Variants in UBN1 observed in about 807,000 individuals in gnomAD.
UBN1 encodes ubinuclein-1.
In UBN1, 17 loss-of-function variants were observed where a neutral mutation model predicts 108.5. The ratio of observed to expected loss-of-function variants is 0.16; its 90% CI spans 0.11 to 0.24. The LOEUF is 0.24. Ranked by LOEUF, UBN1 falls within the 10% of genes least tolerant of loss-of-function variation. The pLI, the probability that UBN1 is intolerant of heterozygous loss-of-function variation, is 1.00. For synonymous variants in UBN1, 726 were observed against 564.2 expected (o/e 1.29, Z -4.07); for missense variants, 1,595 against 1,394.4 (o/e 1.14, Z -2.29).
At position 4,859,227 on chromosome 16, in the gene UBN1, A is replaced by C. The variant is rs2086942793; in HGVS notation, c.567+68A>C. 6 of 1,570,416 alleles carry C rather than the reference A, an allele frequency of 3.8e-6. No homozygotes were observed. The Admixed American group carries it at 1.1e-4, about 29-fold the overall frequency. ...CGTGACCCTATCAGATCAGTAGGTGACTTGCCAGAATACGTGGCGCTTGGC... is the reference window on the plus strand; with the variant it reads ...CGTGACCCTATCAGATCAGTAGGTGCCTTGCCAGAATACGTGGCGCTTGGC... On this transcript the variant is annotated intron_variant, in intron 5 of 17. Coordinates refer to ENST00000262376, the MANE Select transcript of UBN1 (RefSeq NM_001079514.3).
intron 2 of UBN1, among the ~76,000 whole-genome samples, chr16:4,854,399 G>A (rs113430482): frequency 0.1 from 14,784 of 147,698 alleles, 941 homozygotes; most frequent in Admixed American, 0.18. Flanking sequence ...GCTGGAGTGC[G>A]GTGATGCAAT....
At chr16:4,848,782 A>G (rs747247748) in intron 1 of UBN1, among the ~76,000 whole-genome samples, 1 of 152,250 alleles carries the variant, frequency 6.6e-6, no homozygotes, top group Non-Finnish European at 1.5e-5. Context: ...GAGGAATTGA[A>G]TGAGATTTTA....
chr16:4,870,450 C>T, intron 9 of UBN1, 66 bp from the exon 10 acceptor site: 1 of 1,610,916 alleles, frequency 6.2e-7, no homozygotes, highest in South Asian at 1.1e-5. Context: ...GTGATCACCC[C>T]ATCATGCGTC....
chr16:4,860,602 C>T (rs2087014737), intron 6 of UBN1, 62 bp from the exon 7 acceptor site: 1 of 1,517,986 alleles, frequency 6.6e-7, no homozygotes, highest in East Asian at 2.2e-5. Context: ...GGGTGAAGGC[C>T]TCTGGAGTTC....
intron 8 of UBN1, among the ~76,000 whole-genome samples, chr16:4,869,955 C>T (rs2087538191): frequency 6.6e-6 from 1 of 152,192 alleles, no homozygotes; most frequent in African/African-American, 2.4e-5. Flanking sequence ...GCTTGTTCTC[C>T]TGGGCTCTGT....
At chr16:4,869,582 T>C (rs1418251544) in intron 8 of UBN1, among the ~76,000 whole-genome samples, 1 of 152,198 alleles carries the variant, frequency 6.6e-6, no homozygotes, top group African/African-American at 2.4e-5. Flanking sequence ...TGTCAAAATG[T>C]GGGTGTTCTA....
chr16:4,880,300 G>A lies in UBN1; in HGVS notation c.*168G>A. ...ACTTCTGATGTGCCTCCCATGGAGG[G>A]AGCCGGGCCCTTGCTGCTCAGGAGG... On this transcript the variant is annotated 3_prime_UTR_variant, in exon 18 of 18. Transcript: ENST00000262376. 8.2e-6 allele frequency: 6 copies of A among 727,686 alleles called. No homozygotes were observed. Among genetic ancestry groups the A allele is most frequent in the Non-Finnish European group, 1.4e-5 (6 of 430,994 alleles). 45.1% of individuals were successfully genotyped at this position (727,686 alleles called of 1,614,324 possible).
Position 4,877,600 on chromosome 16 carries a change from C to CTT in UBN1, c.3355+128_3355+129dup, listed in dbSNP as rs1231570781. 4.2e-6 allele frequency: 6 copies of CTT among 1,428,256 alleles called. No individual in the cohort carries two copies. In the African/African-American group the frequency reaches 8.7e-5, roughly 21 times the overall value. The allele number at this position is 1,428,256 out of a possible 1,614,324, so 88.5% of individuals were successfully genotyped here. On this transcript the variant is annotated intron_variant, in intron 17 of 17. Transcript: ENST00000262376. This position sits in a 1 kb window ranked among gnomAD's most constrained non-coding sequence, Gnocchi z 4.3. Reference sequence around the variant, plus strand: ...GACGCTGTTGTTGTTTTGGTTTGTCCTTTGAGGCTGTGCTTTGTCAGTACT... The same window carrying CTT: ...GACGCTGTTGTTGTTTTGGTTTGTCCTTTTTGAGGCTGTGCTTTGTCAGTACT...
intron 2 of UBN1, 123 bp from the exon 3 acceptor site, chr16:4,857,867 C>T (rs2090168027): frequency 1.4e-6 from 1 of 702,472 alleles, no homozygotes; most frequent in Non-Finnish European, 2.4e-6. Flanking sequence ...AGCATGTTTT[C>T]TACCTTGCCC....
At chr16:4,872,133 A>G (rs2087673070) in intron 12 of UBN1, 2 of 941,426 alleles carry the variant, frequency 2.1e-6, no homozygotes, top group African/African-American at 1.8e-5. Context: ...GACTCGAATC[A>G]TCTGTTGTGC....
intron 15 of UBN1, among the ~76,000 whole-genome samples, 189 bp from the exon 16 acceptor site, chr16:4,876,682 C>T (rs1182779755): frequency 2.6e-5 from 4 of 152,178 alleles, no homozygotes; most frequent in Non-Finnish European, 5.9e-5. Flanking sequence ...CATGTTGGTT[C>T]ATAAAGACTG....
At chr16:4,852,739 G>GA (rs1392323591) in intron 1 of UBN1, 140 bp from the exon 2 acceptor site, 25 of 965,480 alleles carry the variant, frequency 2.6e-5, no homozygotes, top group Non-Finnish European at 3.4e-5. Context: ...TGAATAAGCA[G>GA]AAAAAAACAA....
At chr16:4,876,658 C>T (rs1196497823) in intron 15 of UBN1, among the ~76,000 whole-genome samples, 2 of 152,022 alleles carry the variant, frequency 1.3e-5, no homozygotes, top group Admixed American at 1.3e-4. Context: ...AATTATGTTC[C>T]CTGGAATCCA....
intron 9 of UBN1, 82 bp from the exon 10 acceptor site, chr16:4,870,434 C>T: frequency 3.7e-6 from 6 of 1,609,980 alleles, no homozygotes. Flanking sequence ...GCCCCACTGC[C>T]TCCTTGTGAT....
chr16:4,860,908 A>G lies in UBN1; in HGVS notation c.916A>G (p.Thr306Ala). The stretch of plus-strand genomic sequence containing the variant: ...TGACAACGACTTGCTCCAGGCGGCC[A>G]CTGCCATGGACTCGCTGACGGATTT... The part of the protein sequence containing the change: ...TSDNDLLQAA[T>A]AMDSLTDLDL... The change falls in exon 7 of 18, where the codon ACT becomes GCT. Residue 306 changes from threonine (T) to alanine (A), a missense_variant. Coordinates refer to ENST00000262376, the MANE Select transcript of UBN1 (RefSeq NM_001079514.3). 2 of 1,614,252 alleles carry G rather than the reference A, an allele frequency of 1.2e-6. No individual in the cohort carries two copies. Among genetic ancestry groups the G allele is most frequent in the South Asian group, 1.1e-5 (1 of 91,090 alleles).
chr16:4,850,001 G>C (rs925162086), intron 1 of UBN1, among the ~76,000 whole-genome samples: 3 of 146,660 alleles, frequency 2.0e-5, no homozygotes, highest in African/African-American at 7.6e-5. Flanking sequence ...CAAGGACTTA[G>C]GCAACTCTCG....
At position 4,863,126 on chromosome 16, in the gene UBN1, T is replaced by C. The variant is rs138877445; in HGVS notation, c.1110+2024T>C. 1.7e-4 allele frequency among the ~76,000 whole-genome samples: 26 copies of C among 152,364 alleles called. 1 individual carries two copies. In the East Asian group the frequency reaches 5.0e-3, roughly 29 times the overall value. On this transcript the variant is annotated intron_variant, in intron 7 of 17. Coordinates refer to ENST00000262376, the MANE Select transcript of UBN1 (RefSeq NM_001079514.3). ...AAAAACAATTTCTAGTTGGATATTC[T>C]TTTCTAGCCTCTGTGTATATGTTTT... is the stretch of plus-strand genomic sequence containing the variant.
chr16:4,857,167 C>A (rs375352400), intron 2 of UBN1, among the ~76,000 whole-genome samples: 3 of 151,452 alleles, frequency 2.0e-5, no homozygotes, highest in African/African-American at 4.9e-5. Context: ...CATGATGAAA[C>A]CCTATCTATA....
At position 4,875,074 on chromosome 16, in the gene UBN1, G is replaced by T; in HGVS notation, c.2664G>T (p.Lys888Asn). Reference sequence around the variant, plus strand: ...CTTCTGCCCTGAGCCATCCAGCAAAGCCACATTCAGTCAGCTCTGCAGGCT... The same window carrying T: ...CTTCTGCCCTGAGCCATCCAGCAAATCCACATTCAGTCAGCTCTGCAGGCT... ...SSSSALSHPAKPHSVSSAGSS... is the reference protein window; with the variant it reads ...SSSSALSHPANPHSVSSAGSS... Residue 888 changes from lysine to asparagine, a missense_variant, in exon 15 of 18, where the codon AAG becomes AAT. By Grantham distance (94) the Lys-to-Asn change is moderately conservative. This residue lies in a region of UBN1 where 1,398 missense variants were observed against 1,194.7 expected (regional missense o/e 1.17). Coordinates refer to ENST00000262376, the MANE Select transcript of UBN1 (RefSeq NM_001079514.3). 1 of 1,614,022 alleles carries T rather than the reference G, an allele frequency of 6.2e-7. No homozygotes were observed. Among genetic ancestry groups the T allele is most frequent in the South Asian group, 1.1e-5 (1 of 91,084 alleles).
Sources: allele counts gnomAD v4.1 joint callset (sites outside exome capture counted in the v4.1 genomes callset), GRCh38; gene constraint gnomAD v4.1.1; regional missense constraint gnomAD v4.1.1; non-coding constraint Gnocchi (gnomAD v3.1); transcripts MANE v1.5; gene names NCBI Gene and HGNC (gene_info 2026-07-23, HGNC 2026-07-21).